The following GRIK2 variants were observed in gnomAD, a reference collection of about 807,000 sequenced individuals.
GRIK2 encodes glutamate ionotropic receptor kainate type subunit 2.
Under a neutral mutation model 100.3 loss-of-function variants are expected in GRIK2, and 32 were observed. The observed-to-expected ratio is 0.32, with a 90% CI of 0.24 to 0.43. The LOEUF is 0.43. Among genes scored for constraint, GRIK2 ranks in the 20% least tolerant of loss-of-function variants. GRIK2 has a pLI of 1.00. For missense variants in GRIK2, 843 were observed against 1,114.9 expected, an observed-to-expected ratio of 0.76 and a Z score of 3.47; for synonymous variants, 417 against 389.4, an observed-to-expected ratio of 1.07 and a Z score of -0.83.
rs76121189 is a variant in GRIK2 at position 101,564,131 on chromosome 6, A to G, written c.116-57818A>G. ...TAATTGCTAGAAGTCATGTCTCCTC[A>G]AGTCACGTTTAAGCTGGTTTTAAGA... On this transcript the variant is annotated intron_variant, in intron 2 of 16. Coordinates refer to ENST00000369134, the MANE Select transcript of GRIK2 (RefSeq NM_021956.5). Among the ~76,000 whole-genome samples, 856 of 152,272 alleles carry G rather than the reference A, an allele frequency of 5.6e-3. 8 individuals are homozygous for G. The highest frequency in any genetic ancestry group is 0.019 in the African/African-American group (808 of 41,558).
chr6:101,879,884 A>G (rs1786126947), intron 11 of GRIK2, among the ~76,000 whole-genome samples: 2 of 151,852 alleles, frequency 1.3e-5, no homozygotes, highest in Non-Finnish European at 2.9e-5. Flanking sequence ...AAACTCAAAA[A>G]CTCAGCCAGA....
intron 11 of GRIK2, among the ~76,000 whole-genome samples, chr6:101,861,638 C>T (rs1348334491): frequency 1.3e-5 from 2 of 151,828 alleles, no homozygotes; most frequent in Non-Finnish European, 2.9e-5. Flanking sequence ...GCAGGGACAC[C>T]CTTATTTTTT....
At chr6:101,791,670 A>T (rs1040223025) in intron 7 of GRIK2, among the ~76,000 whole-genome samples, 1 of 151,962 alleles carries the variant, frequency 6.6e-6, no homozygotes, top group Non-Finnish European at 1.5e-5. Context: ...GGTGCTGAAA[A>T]AATGTATATT....
intron 2 of GRIK2, among the ~76,000 whole-genome samples, chr6:101,503,138 A>C (rs1367839830): frequency 6.6e-6 from 1 of 152,158 alleles, no homozygotes; most frequent in Non-Finnish European, 1.5e-5. Context: ...GTGGTCAGTC[A>C]TGTCAAACTC....
At chr6:101,696,939 G>C (rs1324122922) in intron 7 of GRIK2, among the ~76,000 whole-genome samples, 1 of 151,920 alleles carries the variant, frequency 6.6e-6, no homozygotes, top group African/African-American at 2.4e-5. Context: ...GGGTAAGGTG[G>C]TAGCTAGTTG....
At chr6:101,968,270 T>A (rs557039535) in intron 14 of GRIK2, among the ~76,000 whole-genome samples, 1 of 152,222 alleles carries the variant, frequency 6.6e-6, no homozygotes, top group African/African-American at 2.4e-5. Flanking sequence ...AATGCTGAAA[T>A]GCATTTGCTA....
intron 4 of GRIK2, among the ~76,000 whole-genome samples, chr6:101,648,892 GA>G (rs759848773): frequency 2.2e-4 from 34 of 152,172 alleles, no homozygotes; most frequent in Non-Finnish European, 4.0e-4. Context: ...GAAGATAAAG[GA>G]AAGACATGTC....
At chr6:102,062,482 TA>T in intron 16 of GRIK2, among the ~76,000 whole-genome samples, 1 of 140,256 alleles carries the variant, frequency 7.1e-6, no homozygotes, top group African/African-American at 2.6e-5. Flanking sequence ...TCTTAAGTTT[TA>T]ATTTTTTCTA....
chr6:101,802,340 GA>G lies in GRIK2; in HGVS notation c.1107del (p.Gly370AlafsTer6). The G allele has an allele frequency of 6.6e-7, 1 of 1,516,124 alleles. No homozygotes were observed. 93.9% of individuals were successfully genotyped at this position (1,516,124 alleles called of 1,614,324 possible). A position where few individuals can be genotyped will look rare whatever the true frequency, so the allele number is the denominator to read the frequency against. The stretch of plus-strand genomic sequence containing the variant: ...TTTTCTATTCCCATAGGCACATTGG[GA>G]AGGCCTCACAGGCAGAATAACTTTC... ...FMSLIKEAHW[E>X]GLTGRITFNK... is the part of the protein sequence containing the mutation. On this transcript the variant is annotated frameshift_variant, in exon 9 of 17. Coordinates refer to ENST00000369134, the MANE Select transcript of GRIK2 (RefSeq NM_021956.5). LOFTEE classifies it high-confidence loss of function.
intron 2 of GRIK2, among the ~76,000 whole-genome samples, chr6:101,422,129 G>A (rs1776441377): frequency 6.6e-6 from 1 of 152,240 alleles, no homozygotes; most frequent in East Asian, 1.9e-4. Context: ...TTAAAGGCAA[G>A]CCAAATGCAT....
intron 14 of GRIK2, among the ~76,000 whole-genome samples, chr6:101,937,257 C>G (rs1426348017): frequency 6.6e-6 from 1 of 152,124 alleles, no homozygotes; most frequent in African/African-American, 2.4e-5. Flanking sequence ...CTCTCCCTCC[C>G]TTGTCCTCCC....
At chr6:101,701,517 AT>A (rs1308101332) in intron 7 of GRIK2, among the ~76,000 whole-genome samples, 2 of 152,024 alleles carry the variant, frequency 1.3e-5, no homozygotes, top group South Asian at 2.1e-4. Context: ...CCTATTTCCA[AT>A]TTTTTTACTA....
At chr6:101,471,591 A>G (rs1771950855) in intron 2 of GRIK2, among the ~76,000 whole-genome samples, 1 of 152,002 alleles carries the variant, frequency 6.6e-6, no homozygotes, top group Admixed American at 6.6e-5. Context: ...TTAACATGAA[A>G]CTGAGATGCT....
intron 12 of GRIK2, among the ~76,000 whole-genome samples, chr6:101,918,827 G>T (rs552397117): frequency 2.6e-5 from 4 of 151,780 alleles, no homozygotes; most frequent in African/African-American, 7.2e-5. Context: ...TCTCTCAAAG[G>T]CCTCATGAAA....
chr6:102,061,988 C>T (rs149680048), intron 16 of GRIK2, among the ~76,000 whole-genome samples: 1,763 of 149,260 alleles, frequency 0.012, 10 homozygotes, highest in Middle Eastern at 0.031. Flanking sequence ...AAATGCATTT[C>T]ACAGCTATAT....
At chr6:101,595,698 A>ATATGTGTG (rs371343225) in intron 2 of GRIK2, among the ~76,000 whole-genome samples, 3 of 136,722 alleles carry the variant, frequency 2.2e-5, no homozygotes, top group African/African-American at 8.4e-5. Context: ...GTATATATAT[A>ATATGTGTG]TGTGTGTGTG....
At chr6:101,982,810 C>A (rs913763711) in intron 14 of GRIK2, among the ~76,000 whole-genome samples, 1 of 151,754 alleles carries the variant, frequency 6.6e-6, no homozygotes, top group Admixed American at 6.6e-5. Context: ...TACCCGTTAC[C>A]TTACAGGATG....
intron 2 of GRIK2, among the ~76,000 whole-genome samples, chr6:101,479,376 T>C (rs191288768): frequency 6.6e-6 from 1 of 152,274 alleles, no homozygotes; most frequent in Non-Finnish European, 1.5e-5. Flanking sequence ...TTACTTATAT[T>C]TTAAGATTAA....
intron 8 of GRIK2, among the ~76,000 whole-genome samples, chr6:101,801,009 C>G (rs1031834573): frequency 2.0e-5 from 3 of 152,080 alleles, no homozygotes; most frequent in African/African-American, 7.2e-5. Context: ...AGGAAAAGCT[C>G]TTTCTCCTGA....
Sources: gnomAD v4.1 joint callset for allele counts (sites outside exome capture counted in the v4.1 genomes callset) on GRCh38, gnomAD v4.1.1 for gene constraint, MANE v1.5 for transcripts, NCBI Gene and HGNC (gene_info 2026-07-23, HGNC 2026-07-21) for gene names.